Variants in ZNF583 observed in about 807,000 individuals in gnomAD.
ZNF583 encodes the protein zinc finger protein 583, also known as zinc finger protein L3-5.
ZNF583 carries 30 observed loss-of-function variants against 55.3 expected under a neutral mutation model. That is an observed-to-expected ratio of 0.54 (90% CI 0.41 to 0.74). The LOEUF (loss-of-function observed/expected upper bound fraction) is 0.74. Among genes scored for constraint, ZNF583 ranks in the 30% least tolerant of loss-of-function variants. The pLI, the probability that ZNF583 is intolerant of heterozygous loss-of-function variation, is 0.00. For synonymous variants in ZNF583, 208 were observed against 220.0 expected (o/e 0.95, Z 0.48); for missense variants, 504 against 664.7 (o/e 0.76, Z 2.66).
intron 2 of ZNF583, among the ~76,000 whole-genome samples, chr19:56,411,625 A>G (rs1267926251): frequency 6.6e-6 from 1 of 152,218 alleles, no homozygotes; most frequent in Non-Finnish European, 1.5e-5. Flanking sequence ...TATTTGAGTT[A>G]CAGTAGAATT....
intron 4 of ZNF583, among the ~76,000 whole-genome samples, chr19:56,417,502 A>G (rs2042346640): frequency 6.6e-6 from 1 of 152,108 alleles, no homozygotes; most frequent in Non-Finnish European, 1.5e-5. Flanking sequence ...CATTTTTCCC[A>G]TGTTTTATTG....
chr19:56,425,636 A>C lies in ZNF583; in HGVS notation c.*1268A>C, dbSNP rs1184565858. ...GTAACCAATGATGAGTAGAAAATAA[A>C]GTATAAGTTTGAACCCCTGTTCTAA... On this transcript the variant is annotated 3_prime_UTR_variant, in exon 5 of 5. Coordinates refer to ENST00000333201, the MANE Select transcript of ZNF583 (RefSeq NM_152478.3). 6.6e-6 allele frequency: 1 copy of C among 152,240 alleles called. No homozygotes were observed. Among genetic ancestry groups the C allele is most frequent in the Non-Finnish European group, 1.5e-5 (1 of 68,040 alleles). The allele number at this position is 152,240 out of a possible 1,614,324, so 9.4% of individuals were successfully genotyped here. A position where few individuals can be genotyped will look rare whatever the true frequency, so the allele number is the denominator to read the frequency against.
At chr19:56,407,636 T>G (rs1376717763) in intron 2 of ZNF583, among the ~76,000 whole-genome samples, 10 of 152,292 alleles carry the variant, frequency 6.6e-5, no homozygotes, top group Non-Finnish European at 7.4e-5. Context: ...GGCAGGGATT[T>G]TTCCAGGCAC....
chr19:56,420,403 G>A (rs1276713967), intron 4 of ZNF583, among the ~76,000 whole-genome samples: 1 of 152,144 alleles, frequency 6.6e-6, no homozygotes, highest in Non-Finnish European at 1.5e-5. Flanking sequence ...TTGTACAAGT[G>A]TTTGGTGTAG....
intron 2 of ZNF583, among the ~76,000 whole-genome samples, chr19:56,410,820 G>T (rs1472991531): frequency 6.6e-6 from 1 of 152,102 alleles, no homozygotes; most frequent in South Asian, 2.1e-4. Context: ...GCCAATAAAA[G>T]TGACATTATC....
Position 56,423,133 on chromosome 19 carries a change from A to G in ZNF583, c.475A>G (p.Asn159Asp). The G allele has an allele frequency of 6.2e-7, 1 of 1,612,056 alleles. No homozygotes were observed. The highest frequency in any genetic ancestry group is 8.5e-7 in the Non-Finnish European group (1 of 1,179,532). ...ILPEVQNKEY[N>D]KSWQTFHQDT... ...TCCAGAAGTTCAAAATAAAGAATAT[A>G]ACAAATCTTGGCAAACATTCCACCA... is the stretch of plus-strand genomic sequence containing the variant. Residue 159 changes from asparagine (N) to aspartate (D), a missense_variant, in exon 5 of 5, where the codon AAC becomes GAC. By Grantham distance (23) the Asn-to-Asp change is conservative. Transcript: ENST00000333201.
rs1345708012 is a variant in ZNF583, at chr19:56,424,334, A to G, written c.1676A>G (p.Asn559Ser). 6.4e-7 allele frequency: 1 copy of G among 1,565,308 alleles called. No individual in the cohort carries two copies. The highest frequency in any genetic ancestry group is 1.4e-5 in the African/African-American group (1 of 73,882). Residue 559 changes from asparagine to serine, a missense_variant, in exon 5 of 5, where the codon AAT (asparagine) becomes AGT (serine). Physicochemically the swap from Asn to Ser is conservative, Grantham distance 46 (BLOSUM62 1). Transcript: ENST00000333201. ...TLSSPSPSTS[N>S]QLPRPVGFIS ...TCCTCTCCCTCACCCTCCACATCAA[A>G]TCAGTTGCCAAGACCTGTAGGTTTC... is the stretch of plus-strand genomic sequence containing the variant.
chr19:56,424,527 A>G lies in ZNF583; in HGVS notation c.*159A>G. 3.8e-6 allele frequency: 2 copies of G among 528,462 alleles called. No individual in the cohort carries two copies. The highest frequency in any genetic ancestry group is 6.7e-6 in the Non-Finnish European group (2 of 299,412). 32.7% of individuals were successfully genotyped at this position (528,462 alleles called of 1,614,324 possible). ...ATGTCCACATTGCAACCAAATTTGT[A>G]TTTTTAAAAATATGTTTAATCTCAT... On this transcript the variant is annotated 3_prime_UTR_variant, in exon 5 of 5. Transcript: ENST00000333201.
At chr19:56,422,132 G>T (rs1428838076) in intron 4 of ZNF583, among the ~76,000 whole-genome samples, 1 of 152,128 alleles carries the variant, frequency 6.6e-6, no homozygotes. Context: ...AGAACACCAG[G>T]TCATGTAGAG....
intron 2 of ZNF583, 42 bp from the exon 3 acceptor site, chr19:56,413,917 T>C (rs1466617649): frequency 6.2e-7 from 1 of 1,612,840 alleles, no homozygotes; most frequent in South Asian, 1.1e-5. Context: ...CATGTGAGGA[T>C]ATGAACACTA....
intron 2 of ZNF583, among the ~76,000 whole-genome samples, chr19:56,411,599 A>G (rs1228700951): frequency 6.6e-6 from 1 of 152,240 alleles, no homozygotes; most frequent in African/African-American, 2.4e-5. Context: ...AAAATTTTAA[A>G]GAGTTTGTAT....
Position 56,425,431 on chromosome 19 carries a change from A to T in ZNF583, c.*1063A>T, listed in dbSNP as rs181142689. The T allele has an allele frequency of 6.6e-6, 1 of 152,238 alleles. No individual in the cohort carries two copies. Among genetic ancestry groups the T allele is most frequent in the African/African-American group, 2.4e-5 (1 of 41,532 alleles). The allele number at this position is 152,238 out of a possible 1,614,324, so 9.4% of individuals were successfully genotyped here. A position where few individuals can be genotyped will look rare whatever the true frequency, so the allele number is the denominator to read the frequency against. On this transcript the variant is annotated 3_prime_UTR_variant, in exon 5 of 5. Transcript: ENST00000333201. Reference sequence around the variant, plus strand: ...TGACATGTCGGCCAGGCTTTTCTCTAACTCCTGACGTCCGGTGATCCGCCT... The same window carrying T: ...TGACATGTCGGCCAGGCTTTTCTCTTACTCCTGACGTCCGGTGATCCGCCT...
Position 56,422,966 on chromosome 19 carries a change from C to G in ZNF583, c.308C>G (p.Thr103Arg), listed in dbSNP as rs146849700. The part of the protein sequence containing the change: ...ETYEESSKVV[T>R]VGARHLSYSL... ...TATGAAGAATCATCCAAAGTTGTGACAGTGGGAGCAAGACATCTTAGTTAT... is the reference window on the plus strand; with the variant it reads ...TATGAAGAATCATCCAAAGTTGTGAGAGTGGGAGCAAGACATCTTAGTTAT... The change falls in exon 5 of 5, where the codon ACA becomes AGA. Residue 103 changes from threonine (T) to arginine (R), a missense_variant. Coordinates refer to ENST00000333201, the MANE Select transcript of ZNF583 (RefSeq NM_152478.3). 7 of 1,613,570 alleles carry G rather than the reference C, an allele frequency of 4.3e-6. No individual in the cohort carries two copies. The African/African-American group carries it at 9.3e-5, about 22-fold the overall frequency.
At chr19:56,408,935 C>T (rs767534374) in intron 2 of ZNF583, among the ~76,000 whole-genome samples, 6 of 152,300 alleles carry the variant, frequency 3.9e-5, no homozygotes, top group Non-Finnish European at 8.8e-5. Flanking sequence ...TGCTGTCCCT[C>T]AGACTTACTG....
chr19:56,409,054 A>C (rs1156480337), intron 2 of ZNF583, among the ~76,000 whole-genome samples: 1 of 150,496 alleles, frequency 6.6e-6, no homozygotes, highest in African/African-American at 2.5e-5. Context: ...TTACCTCTTC[A>C]TTTAGACTTA....
In ZNF583 at chr19:56,406,530, C is replaced by CTTTTTTT. The variant is rs34274240; in HGVS notation, c.-89-482_-89-476dup. On this transcript the variant is annotated intron_variant, in intron 1 of 4. Coordinates refer to ENST00000333201, the MANE Select transcript of ZNF583 (RefSeq NM_152478.3). ...AAACACAGAACAGGTATGTTGTATT[C>CTTTTTTT]TTTTTTTTTTTTTTTTTTTTGAGAC... 1.7e-5 allele frequency among the ~76,000 whole-genome samples: 2 copies of CTTTTTTT among 115,240 alleles called. 1 individual carries two copies. Among genetic ancestry groups the CTTTTTTT allele is most frequent in the African/African-American group, 6.6e-5 (2 of 30,416 alleles). 75.6% of individuals were successfully genotyped at this position (115,240 alleles called of 152,430 possible).
In ZNF583 at chr19:56,426,908, T is replaced by C. The variant is rs560918685; in HGVS notation, c.*2540T>C. 16 of 149,140 alleles carry C rather than the reference T, an allele frequency of 1.1e-4. No individual in the cohort carries two copies. The South Asian group carries it at 3.4e-3, about 32-fold the overall frequency. The allele number at this position is 149,140 out of a possible 1,614,324, so 9.2% of individuals were successfully genotyped here. A position where few individuals can be genotyped will look rare whatever the true frequency, so the allele number is the denominator to read the frequency against. ...ACAATGTCTTTCCCTCCAGATTCTA[T>C]TATACACATAGAACAATGTAAATGA... On this transcript the variant is annotated 3_prime_UTR_variant, in exon 5 of 5. Transcript: ENST00000333201.
chr19:56,407,002 T>C, intron 1 of ZNF583, 24 bp from the exon 2 acceptor site: 1 of 1,267,276 alleles, frequency 7.9e-7, no homozygotes, highest in Non-Finnish European at 1.1e-6. Context: ...GCCTGGCATT[T>C]TATGGTTTCT....
Position 56,424,579 on chromosome 19 carries a change from G to A in ZNF583, c.*211G>A. 2 of 480,434 alleles carry A rather than the reference G, an allele frequency of 4.2e-6. No individual in the cohort carries two copies. The highest frequency in any genetic ancestry group is 7.4e-6 in the Non-Finnish European group (2 of 271,628). 29.8% of individuals were successfully genotyped at this position (480,434 alleles called of 1,614,324 possible). On this transcript the variant is annotated 3_prime_UTR_variant, in exon 5 of 5. Transcript: ENST00000333201. ...TCTCCCTCATTAAAATCCCTCAGTG[G>A]CATCCCATGGTTTTTAAGTTAAAGC... is the stretch of plus-strand genomic sequence containing the variant.
Sources: allele counts gnomAD v4.1 joint callset (sites outside exome capture counted in the v4.1 genomes callset), GRCh38; gene constraint gnomAD v4.1.1; transcripts MANE v1.5; gene names NCBI Gene and HGNC (gene_info 2026-07-23, HGNC 2026-07-21).